CCDC93: variants seen among roughly 807,000 people sequenced by gnomAD.
The protein encoded by CCDC93 is CCC complex scaffolding subunit CCDC93.
A neutral mutation model predicts 108.2 loss-of-function variants in CCDC93; 61 were observed. The observed-to-expected ratio is 0.56, with a 90% CI of 0.46 to 0.70. The LOEUF (loss-of-function observed/expected upper bound fraction) is 0.70. Ranked by LOEUF, CCDC93 falls within the 30% of genes least tolerant of loss-of-function variation. CCDC93 has a pLI of 0.00. For synonymous variants in CCDC93, 276 were observed against 260.4 expected, an observed-to-expected ratio of 1.06 and a Z score of -0.58; for missense variants, 685 against 764.2, an observed-to-expected ratio of 0.90 and a Z score of 1.22.
intron 4 of CCDC93, chr2:117,997,179 C>T (rs1680680688): frequency 6.6e-6 from 1 of 152,186 alleles, no homozygotes; most frequent in Admixed American, 6.6e-5. Flanking sequence ...TTCACTTCTC[C>T]CAACTGAAAA....
At chr2:117,932,785 A>C (rs1678390654) in intron 22 of CCDC93, among the ~76,000 whole-genome samples, 4 of 152,138 alleles carry the variant, frequency 2.6e-5, no homozygotes, top group Admixed American at 2.6e-4. Flanking sequence ...ACACCAGCCC[A>C]CCGCAGTTCC....
chr2:117,953,728 C>CAAA lies in CCDC93; in HGVS notation c.1006-1296_1006-1294dup, dbSNP rs11310138. 4.7e-3 allele frequency among the ~76,000 whole-genome samples: 622 copies of CAAA among 132,206 alleles called. 9 individuals carry two copies. The highest frequency in any genetic ancestry group is 0.034 in the South Asian group (135 of 3,942). 86.7% of individuals were successfully genotyped at this position (132,206 alleles called of 152,430 possible). On this transcript the variant is annotated intron_variant, in intron 12 of 23. Coordinates refer to ENST00000376300, the MANE Select transcript of CCDC93 (RefSeq NM_019044.5). ...CAACAAAGTGAGACTCTGCTGTCTCCAAAAAAAAAAAAAAAAAATTAGCCC... is the reference window on the plus strand; with the variant it reads ...CAACAAAGTGAGACTCTGCTGTCTCCAAAAAAAAAAAAAAAAAAAAATTAGCCC...
At position 117,930,812 on chromosome 2, in the gene CCDC93, T is replaced by C. The variant is rs989190907; in HGVS notation, c.1842+225A>G. The C allele has an allele frequency of 3.7e-4, 154 of 416,208 alleles. 1 individual carries two copies. Among genetic ancestry groups the C allele is most frequent in the Middle Eastern group, 6.3e-4 (1 of 1,590 alleles). 25.8% of individuals were successfully genotyped at this position (416,208 alleles called of 1,614,324 possible). On this transcript the variant is annotated intron_variant, in intron 23 of 23. Coordinates refer to ENST00000376300, the MANE Select transcript of CCDC93 (RefSeq NM_019044.5). Reference sequence around the variant, plus strand: ...TTACTAAGTGTTAGGAAAACTAAAGTGATGTGATGTCTTAAAACATTTAAT... The same window carrying C: ...TTACTAAGTGTTAGGAAAACTAAAGCGATGTGATGTCTTAAAACATTTAAT...
intron 12 of CCDC93, among the ~76,000 whole-genome samples, chr2:117,952,922 T>G (rs756770908): frequency 6.6e-6 from 1 of 152,194 alleles, no homozygotes; most frequent in Admixed American, 6.5e-5. Context: ...ACATAGAAGA[T>G]AGGATTCAGG....
intron 6 of CCDC93, among the ~76,000 whole-genome samples, chr2:117,991,360 T>C (rs1376195628): frequency 6.6e-6 from 1 of 152,026 alleles, no homozygotes; most frequent in Non-Finnish European, 1.5e-5. Context: ...AGAGAAGCAA[T>C]ATCCCAGGGC....
At chr2:117,958,621 A>C (rs1210515691) in intron 11 of CCDC93, 140 bp from the exon 12 acceptor site, 12 of 643,420 alleles carry the variant, frequency 1.9e-5, no homozygotes, top group Non-Finnish European at 3.4e-5. Context: ...GGCCTGTTCA[A>C]AACCTGGCGT....
At chr2:117,997,283 C>CAA (rs1276646472) in intron 4 of CCDC93, 3 of 152,198 alleles carry the variant, frequency 2.0e-5, no homozygotes, top group Non-Finnish European at 4.4e-5. Flanking sequence ...AAGATCCACC[C>CAA]GCTCTGAGGG....
chr2:117,948,439 T>C (rs1678944808), intron 14 of CCDC93, among the ~76,000 whole-genome samples: 2 of 152,326 alleles, frequency 1.3e-5, no homozygotes, highest in East Asian at 1.9e-4. Context: ...ATGTCAACTA[T>C]AGAAACATCA....
chr2:117,962,811 A>G (rs1024141301), intron 11 of CCDC93, among the ~76,000 whole-genome samples: 3 of 152,318 alleles, frequency 2.0e-5, no homozygotes, highest in African/African-American at 7.2e-5. Flanking sequence ...TTTTCCTGAG[A>G]GTATTTGCCA....
intron 8 of CCDC93, among the ~76,000 whole-genome samples, chr2:117,976,212 G>T (rs978217610): frequency 6.6e-6 from 1 of 152,092 alleles, no homozygotes; most frequent in Non-Finnish European, 1.5e-5. Flanking sequence ...ATTCAAATGT[G>T]CCGTCTGACA....
At chr2:117,936,812 G>A in intron 20 of CCDC93, 73 bp from the exon 21 acceptor site, 1 of 1,174,960 alleles carries the variant, frequency 8.5e-7, no homozygotes, top group Non-Finnish European at 1.3e-6. Context: ...ACTGCTGCAA[G>A]CTTGCCTGTC....
chr2:118,001,537 C>A (rs1676685817), intron 3 of CCDC93, among the ~76,000 whole-genome samples: 1 of 151,614 alleles, frequency 6.6e-6, no homozygotes, highest in Non-Finnish European at 1.5e-5. Context: ...TATCCTCACT[C>A]TCATTTCCAT....
At chr2:117,958,129 CT>C (rs1679275822) in intron 12 of CCDC93, among the ~76,000 whole-genome samples, 1 of 152,166 alleles carries the variant, frequency 6.6e-6, no homozygotes, top group South Asian at 2.1e-4. Flanking sequence ...ATATTTTAGG[CT>C]TTGTAGGTCT....
At chr2:117,938,350 A>C (rs1247636096) in intron 20 of CCDC93, among the ~76,000 whole-genome samples, 1 of 152,190 alleles carries the variant, frequency 6.6e-6, no homozygotes, top group East Asian at 1.9e-4. Context: ...CTGTGCTCCA[A>C]CCGTTTGTCA....
chr2:117,927,964 C>T (rs2104707715), intron 23 of CCDC93, among the ~76,000 whole-genome samples: 1 of 152,284 alleles, frequency 6.6e-6, no homozygotes, highest in African/African-American at 2.4e-5. Flanking sequence ...CGCACATCTA[C>T]AACCATCTGA....
At position 117,917,312 on chromosome 2, in the gene CCDC93, G is replaced by C. The variant is rs192887638; in HGVS notation, c.*3031C>G. 2 of 152,832 alleles carry C rather than the reference G, an allele frequency of 1.3e-5. No individual in the cohort carries two copies. The highest frequency in any genetic ancestry group is 2.9e-5 in the Non-Finnish European group (2 of 68,124). 9.5% of individuals were successfully genotyped at this position (152,832 alleles called of 1,614,324 possible). A position where few individuals can be genotyped will look rare whatever the true frequency, so the allele number is the denominator to read the frequency against. ...CAACAACGTCACAACCCTGAGGTCT[G>C]AGGTCCCGGGCATGGCACTTTGTGA... On this transcript the variant is annotated 3_prime_UTR_variant, in exon 24 of 24. Coordinates refer to ENST00000376300, the MANE Select transcript of CCDC93 (RefSeq NM_019044.5).
intron 13 of CCDC93, chr2:117,951,537 G>A (rs1440982726): frequency 5.0e-6 from 5 of 997,626 alleles, no homozygotes; most frequent in African/African-American, 1.7e-5. Flanking sequence ...GAAAAGTAGG[G>A]ATACTGGGTT....
intron 14 of CCDC93, 115 bp from the exon 15 acceptor site, chr2:117,948,301 C>A: frequency 2.9e-6 from 2 of 686,784 alleles, no homozygotes; most frequent in South Asian, 1.8e-5. Context: ...CCTTTCTCAG[C>A]TCTAAGAGTG....
At position 118,005,113 on chromosome 2, in the gene CCDC93, G is replaced by A. The variant is rs538807606; in HGVS notation, c.251+1609C>T. ...AAAAGAAGAAAAAACAGTTTTCAGT[G>A]TCTTTTAGATTTCAGAAATATAGAC... On this transcript the variant is annotated intron_variant, in intron 3 of 23. Transcript: ENST00000376300. 1.2e-3 allele frequency among the ~76,000 whole-genome samples: 182 copies of A among 152,274 alleles called. 1 individual carries two copies. The highest frequency in any genetic ancestry group is 4.2e-3 in the African/African-American group (174 of 41,570).
Sources: gnomAD v4.1 joint callset for allele counts (sites outside exome capture counted in the v4.1 genomes callset) on GRCh38, gnomAD v4.1.1 for gene constraint, MANE v1.5 for transcripts, NCBI Gene and HGNC (gene_info 2026-07-23, HGNC 2026-07-21) for gene names.